SEC22A: variants seen among roughly 807,000 people sequenced by gnomAD.
The protein encoded by SEC22A is vesicle-trafficking protein SEC22a.
SEC22A carries 22 observed loss-of-function variants against 35.3 expected under a neutral mutation model. The ratio of observed to expected loss-of-function variants is 0.62; its 90% CI spans 0.45 to 0.89. The LOEUF is 0.89. Among genes scored for constraint, SEC22A ranks in the 40% least tolerant of loss-of-function variants. The pLI, the probability that SEC22A is intolerant of heterozygous loss-of-function variation, is 0.00. For missense variants in SEC22A, 354 were observed against 362.5 expected, an observed-to-expected ratio of 0.98 and a Z score of 0.19; for synonymous variants, 119 against 129.5, an observed-to-expected ratio of 0.92 and a Z score of 0.55.
intron 4 of SEC22A, among the ~76,000 whole-genome samples, chr3:123,235,048 G>A (rs1937392792): frequency 1.3e-5 from 2 of 151,724 alleles, no homozygotes; most frequent in South Asian, 2.1e-4. Context: ...TAGATAAGGT[G>A]GACATCATCA....
At chr3:123,226,662 G>T (rs1357721841) in intron 4 of SEC22A, among the ~76,000 whole-genome samples, 1 of 152,120 alleles carries the variant, frequency 6.6e-6, no homozygotes, top group Non-Finnish European at 1.5e-5. Flanking sequence ...CTATCATTCT[G>T]TGGGTTGTCT....
chr3:123,239,173 A>G (rs1011446167), intron 4 of SEC22A, among the ~76,000 whole-genome samples: 3 of 152,222 alleles, frequency 2.0e-5, no homozygotes, highest in African/African-American at 7.2e-5. Flanking sequence ...TGACTGTCAT[A>G]GAAAAGATAG....
At chr3:123,247,958 C>T (rs1477603489) in intron 5 of SEC22A, among the ~76,000 whole-genome samples, 2 of 152,106 alleles carry the variant, frequency 1.3e-5, no homozygotes, top group African/African-American at 2.4e-5. Context: ...GAAGAAAAAT[C>T]GCGTGATCAT....
chr3:123,253,829 G>T (rs1343787106), intron 5 of SEC22A, among the ~76,000 whole-genome samples: 1 of 151,480 alleles, frequency 6.6e-6, no homozygotes, highest in African/African-American at 2.4e-5. Context: ...TCTTTCAAAA[G>T]AAATAAAAGC....
chr3:123,219,131 G>C (rs1047412152), intron 2 of SEC22A, among the ~76,000 whole-genome samples: 5 of 152,148 alleles, frequency 3.3e-5, no homozygotes, highest in Admixed American at 2.6e-4. Context: ...TTGCAAGTGG[G>C]GAAGACAAAA....
At chr3:123,248,477 T>C (rs768634488) in intron 5 of SEC22A, among the ~76,000 whole-genome samples, 27 of 152,134 alleles carry the variant, frequency 1.8e-4, no homozygotes, top group South Asian at 6.2e-4. Flanking sequence ...TATAATACCA[T>C]TTATAGTGAC....
chr3:123,238,016 T>C (rs1317312050), intron 4 of SEC22A, among the ~76,000 whole-genome samples: 2 of 151,868 alleles, frequency 1.3e-5, no homozygotes, highest in African/African-American at 4.8e-5. Flanking sequence ...TAGCTAGACA[T>C]GGTGGCACGT....
At chr3:123,259,447 C>G (rs969067451) in intron 5 of SEC22A, 77 bp from the exon 6 acceptor site, 2 of 976,136 alleles carry the variant, frequency 2.0e-6, no homozygotes, top group African/African-American at 3.2e-5. Flanking sequence ...AATATTGTTA[C>G]ATCCTATCTT....
intron 6 of SEC22A, among the ~76,000 whole-genome samples, chr3:123,261,080 C>A (rs990990367): frequency 6.6e-6 from 1 of 151,618 alleles, no homozygotes; most frequent in African/African-American, 2.4e-5. Context: ...TGTGATCCGC[C>A]CACCTCGGCC....
chr3:123,262,061 A>G (rs1937905380), intron 6 of SEC22A, among the ~76,000 whole-genome samples: 1 of 152,206 alleles, frequency 6.6e-6, no homozygotes, highest in Admixed American at 6.5e-5. Flanking sequence ...GGTGATAATA[A>G]TGCTGTTTTT....
At chr3:123,215,025 C>T (rs919641060) in intron 2 of SEC22A, among the ~76,000 whole-genome samples, 13 of 152,142 alleles carry the variant, frequency 8.5e-5, no homozygotes, top group African/African-American at 1.2e-4. Context: ...TTCACTCTTT[C>T]GGGAAATTTT....
At chr3:123,204,465 A>G (rs1311348692) in intron 1 of SEC22A, among the ~76,000 whole-genome samples, 1 of 152,196 alleles carries the variant, frequency 6.6e-6, no homozygotes, top group African/African-American at 2.4e-5. Flanking sequence ...GTTAGAACGT[A>G]TATACAAAAT....
At chr3:123,218,508 A>G (rs2108040067) in intron 2 of SEC22A, among the ~76,000 whole-genome samples, 1 of 152,056 alleles carries the variant, frequency 6.6e-6, no homozygotes, top group Middle Eastern at 3.4e-3. Context: ...ATAAAGGGAG[A>G]GCAGACAAGT....
At chr3:123,253,302 T>G (rs1212162146) in intron 5 of SEC22A, among the ~76,000 whole-genome samples, 1 of 152,194 alleles carries the variant, frequency 6.6e-6, no homozygotes, top group Non-Finnish European at 1.5e-5. Flanking sequence ...GGACAGACAA[T>G]CTAAGATTTC....
intron 5 of SEC22A, among the ~76,000 whole-genome samples, chr3:123,248,102 T>C (rs1937581147): frequency 6.6e-6 from 1 of 152,172 alleles, no homozygotes; most frequent in South Asian, 2.1e-4. Flanking sequence ...ACAGCTAACA[T>C]CATCTTTAAT....
chr3:123,242,729 A>C (rs1315305257), intron 4 of SEC22A, among the ~76,000 whole-genome samples: 2 of 152,162 alleles, frequency 1.3e-5, no homozygotes, highest in Non-Finnish European at 2.9e-5. Flanking sequence ...ACTTATAGAA[A>C]ATAATTTAAT....
At chr3:123,260,521 T>C (rs920719048) in intron 6 of SEC22A, among the ~76,000 whole-genome samples, 1 of 152,160 alleles carries the variant, frequency 6.6e-6, no homozygotes, top group African/African-American at 2.4e-5. Context: ...TGGAGACTGA[T>C]AGTCACATTT....
At position 123,273,808 on chromosome 3, in the gene SEC22A, C is replaced by CAAAAAAAAAAAAAAAAAAAAAA. The variant is rs1433321578; in HGVS notation, c.*2092_*2093insAAAAAAAAAAAAAAAAAAAAAA. The CAAAAAAAAAAAAAAAAAAAAAA allele has an allele frequency of 4.0e-5, 6 of 151,744 alleles. No individual in the cohort carries two copies. The highest frequency in any genetic ancestry group is 1.5e-4 in the African/African-American group (6 of 41,156). 9.4% of individuals were successfully genotyped at this position (151,744 alleles called of 1,614,324 possible). On this transcript the variant is annotated 3_prime_UTR_variant, in exon 7 of 7. Coordinates refer to ENST00000492595, the MANE Select transcript of SEC22A (RefSeq NM_012430.5). The stretch of plus-strand genomic sequence containing the variant: ...TGGCCAACAGAGCGAGACTCTGTCT[C>CAAAAAAAAAAAAAAAAAAAAAA]AAAAAAGAAAGGTTTTCTAAACTAA...
chr3:123,225,480 A>G (rs544843086), intron 4 of SEC22A, among the ~76,000 whole-genome samples, 183 bp downstream of exon 4: 13 of 152,330 alleles, frequency 8.5e-5, no homozygotes, highest in Admixed American at 8.5e-4. Flanking sequence ...AATCGGGAAA[A>G]TACTTTCAAA....
Sources: allele counts gnomAD v4.1 joint callset (sites outside exome capture counted in the v4.1 genomes callset), GRCh38; gene constraint gnomAD v4.1.1; transcripts MANE v1.5; gene names NCBI Gene and HGNC (gene_info 2026-07-23, HGNC 2026-07-21).